EYS: variants seen among roughly 807,000 people sequenced by gnomAD.
EYS encodes the protein protein eyes shut homolog.
EYS carries 250 observed loss-of-function variants against 282.1 expected under a neutral mutation model. The observed-to-expected ratio is 0.89, with a 90% CI of 0.80 to 0.98. The LOEUF is 0.98. Ranked by LOEUF, EYS falls within the 50% of genes least tolerant of loss-of-function variation. The pLI is 0.00. For missense variants in EYS, 4,016 were observed against 3,709.0 expected (o/e 1.08, Z -2.15); for synonymous variants, 1,355 against 1,282.9 (o/e 1.06, Z -1.20).
At chr6:64,709,129 C>T in intron 22 of EYS, among the ~76,000 whole-genome samples, 1 of 152,146 alleles carries the variant, frequency 6.6e-6, no homozygotes, top group Non-Finnish European at 1.5e-5. Context: ...AAATGATGAC[C>T]AAATGGGTAC....
chr6:64,807,289 G>A (rs1003773507), intron 22 of EYS, among the ~76,000 whole-genome samples: 6 of 151,776 alleles, frequency 4.0e-5, no homozygotes, highest in African/African-American at 1.5e-4. Flanking sequence ...AAAAATAAAT[G>A]AGCAATGCAT....
chr6:64,990,820 C>T (rs1771037260), intron 14 of EYS, among the ~76,000 whole-genome samples: 1 of 151,496 alleles, frequency 6.6e-6, no homozygotes, highest in African/African-American at 2.4e-5. Flanking sequence ...TTCTGAAGTC[C>T]AAAGCATTAA....
At chr6:65,108,799 C>A (rs1311815802) in intron 12 of EYS, among the ~76,000 whole-genome samples, 1 of 152,184 alleles carries the variant, frequency 6.6e-6, no homozygotes, top group East Asian at 1.9e-4. Flanking sequence ...ATGCTTTCTC[C>A]ACTCTGTTAC....
intron 26 of EYS, among the ~76,000 whole-genome samples, chr6:64,566,632 G>A (rs1012317785): frequency 2.6e-5 from 4 of 151,992 alleles, no homozygotes; most frequent in Non-Finnish European, 4.4e-5. Flanking sequence ...CATATTTTAT[G>A]CTTTACACCA....
At chr6:65,053,707 G>A (rs1047708144) in intron 13 of EYS, among the ~76,000 whole-genome samples, 8 of 151,838 alleles carry the variant, frequency 5.3e-5, no homozygotes, top group Admixed American at 3.3e-4. Flanking sequence ...CTGTACTTGC[G>A]TCTGAAGCAG....
At chr6:65,150,461 C>G (rs925286881) in intron 12 of EYS, among the ~76,000 whole-genome samples, 1 of 151,902 alleles carries the variant, frequency 6.6e-6, no homozygotes, top group African/African-American at 2.4e-5. Context: ...TAAAATAAAT[C>G]ACTCCCCTAC....
chr6:64,520,081 T>C (rs1396063860), intron 26 of EYS, among the ~76,000 whole-genome samples: 1 of 151,786 alleles, frequency 6.6e-6, no homozygotes, highest in African/African-American at 2.4e-5. Flanking sequence ...AACAGGTTTG[T>C]GCTGTCCTAG....
chr6:64,687,909 A>T (rs1039952860), intron 22 of EYS, among the ~76,000 whole-genome samples: 1 of 151,958 alleles, frequency 6.6e-6, no homozygotes, highest in Non-Finnish European at 1.5e-5. Flanking sequence ...GCCTGTTATT[A>T]TTGGTCTGTT....
At chr6:65,284,982 C>G (rs1047212377) in intron 12 of EYS, among the ~76,000 whole-genome samples, 1 of 151,788 alleles carries the variant, frequency 6.6e-6, no homozygotes, top group Non-Finnish European at 1.5e-5. Context: ...TTCCTTCTTT[C>G]TTAAACATGT....
chr6:64,096,468 C>G (rs937210857), intron 31 of EYS, among the ~76,000 whole-genome samples: 6 of 152,150 alleles, frequency 3.9e-5, no homozygotes, highest in African/African-American at 9.7e-5. Flanking sequence ...TCTTTTTGCT[C>G]TAAACTTCTG....
intron 39 of EYS, among the ~76,000 whole-genome samples, chr6:63,781,950 T>C (rs150824681): frequency 1.3e-5 from 2 of 152,232 alleles, no homozygotes; most frequent in Non-Finnish European, 2.9e-5. Flanking sequence ...TTGAGAGTTT[T>C]TATCATGAAG....
At chr6:64,533,661 C>T (rs1764425990) in intron 26 of EYS, among the ~76,000 whole-genome samples, 1 of 151,828 alleles carries the variant, frequency 6.6e-6, no homozygotes, top group Non-Finnish European at 1.5e-5. Context: ...TTGTCTTCGG[C>T]ATATTTATAA....
At chr6:63,885,369 A>T (rs1312048517) in intron 35 of EYS, among the ~76,000 whole-genome samples, 3 of 152,100 alleles carry the variant, frequency 2.0e-5, no homozygotes, top group African/African-American at 7.2e-5. Flanking sequence ...TTAGGAAGAG[A>T]ACTAAACATT....
intron 22 of EYS, among the ~76,000 whole-genome samples, chr6:64,683,573 C>A (rs1769978201): frequency 6.6e-6 from 1 of 151,926 alleles, no homozygotes; most frequent in Non-Finnish European, 1.5e-5. Context: ...CAGGAGAGAA[C>A]AAGTTTGAAA....
chr6:64,425,344 C>T (rs934722716), intron 28 of EYS, among the ~76,000 whole-genome samples: 1 of 152,030 alleles, frequency 6.6e-6, no homozygotes, highest in Non-Finnish European at 1.5e-5. Context: ...AGAGAACTGC[C>T]AGAGCCCAAA....
At chr6:64,239,204 C>T (rs552753507) in intron 30 of EYS, among the ~76,000 whole-genome samples, 1 of 152,208 alleles carries the variant, frequency 6.6e-6, no homozygotes, top group South Asian at 2.1e-4. Context: ...AACAGTGCTG[C>T]AATAAACATA....
chr6:64,733,448 C>A, intron 22 of EYS: 1 of 188,366 alleles, frequency 5.3e-6, no homozygotes, highest in South Asian at 1.2e-4. Context: ...TCCACTTGGC[C>A]ACCACAATGA....
intron 28 of EYS, among the ~76,000 whole-genome samples, chr6:64,408,389 G>T (rs1175373466): frequency 6.6e-6 from 1 of 152,106 alleles, no homozygotes; most frequent in African/African-American, 2.4e-5. Context: ...GAGAGAGGAT[G>T]CCTAAGAACA....
At chr6:65,030,679 C>T (rs949083352) in intron 13 of EYS, among the ~76,000 whole-genome samples, 1 of 152,144 alleles carries the variant, frequency 6.6e-6, no homozygotes, top group African/African-American at 2.4e-5. Context: ...AGGTGCTTAA[C>T]GTTGAGAGGG....
Sources: allele counts gnomAD v4.1 joint callset (sites outside exome capture counted in the v4.1 genomes callset), GRCh38; gene constraint gnomAD v4.1.1; transcripts MANE v1.5; gene names NCBI Gene and HGNC (gene_info 2026-07-23, HGNC 2026-07-21).